Variants in LIMS1 observed in about 807,000 individuals in gnomAD.
The protein encoded by LIMS1 is LIM zinc finger domain containing 1.
In LIMS1, 18 loss-of-function variants were observed where a neutral mutation model predicts 44.1. The ratio of observed to expected loss-of-function variants is 0.41; its 90% CI spans 0.28 to 0.61. The LOEUF is 0.61. Ranked by LOEUF, LIMS1 falls within the 20% of genes least tolerant of loss-of-function variation. LIMS1 has a pLI of 0.32. For missense variants in LIMS1, 201 were observed against 422.0 expected, an observed-to-expected ratio of 0.48 and a Z score of 4.59; for synonymous variants, 93 against 149.1, an observed-to-expected ratio of 0.62 and a Z score of 2.74.
chr2:108,636,729 A>G (rs1038794192), intron 1 of LIMS1, among the ~76,000 whole-genome samples: 2 of 152,238 alleles, frequency 1.3e-5, no homozygotes, highest in African/African-American at 2.4e-5. Flanking sequence ...AAGGAATGGA[A>G]TAAAGAGCTT....
At chr2:108,639,062 C>T (rs1689483621) in intron 1 of LIMS1, among the ~76,000 whole-genome samples, 1 of 151,998 alleles carries the variant, frequency 6.6e-6, no homozygotes, top group Non-Finnish European at 1.5e-5. Flanking sequence ...AAAATGTCTA[C>T]TTAAGGGCCT....
At chr2:108,581,754 G>A (rs139820361) in intron 1 of LIMS1, among the ~76,000 whole-genome samples, 4 of 152,100 alleles carry the variant, frequency 2.6e-5, no homozygotes, top group South Asian at 2.1e-4. Context: ...CCTGACCAAC[G>A]TGGTGAAACC....
At chr2:108,674,724 A>AG (rs1240398700) in intron 5 of LIMS1, among the ~76,000 whole-genome samples, 1 of 143,874 alleles carries the variant, frequency 7.0e-6, no homozygotes, top group African/African-American at 2.5e-5. Flanking sequence ...CGTCTCAAAA[A>AG]AAAAAAAAAA....
exon 10 of LIMS1, chr2:108,684,161 T>G: frequency 2.4e-6 from 1 of 423,172 alleles, no homozygotes. Flanking sequence ...ATTCATATAA[T>G]CGTGTTTAAA....
intron 1 of LIMS1, among the ~76,000 whole-genome samples, chr2:108,579,380 C>A (rs1484757297): frequency 6.6e-6 from 1 of 152,118 alleles, no homozygotes; most frequent in Non-Finnish European, 1.5e-5. Context: ...TGTTTCCAAG[C>A]ATATGAACTT....
intron 1 of LIMS1, among the ~76,000 whole-genome samples, chr2:108,580,381 G>C (rs1004786066): frequency 6.6e-6 from 1 of 152,190 alleles, no homozygotes; most frequent in African/African-American, 2.4e-5. Flanking sequence ...GAAGCACCAT[G>C]CCTAGTCAAT....
At chr2:108,632,843 G>T (rs1041525254) in intron 1 of LIMS1, among the ~76,000 whole-genome samples, 4 of 152,152 alleles carry the variant, frequency 2.6e-5, no homozygotes, top group African/African-American at 9.7e-5. Flanking sequence ...ACCTTGAAAA[G>T]TCTGTTTATA....
At chr2:108,614,974 T>TA (rs749631541) in intron 1 of LIMS1, among the ~76,000 whole-genome samples, 1 of 152,208 alleles carries the variant, frequency 6.6e-6, no homozygotes, top group Non-Finnish European at 1.5e-5. Context: ...AAGTAACTGT[T>TA]ACATTTCTCC....
chr2:108,643,839 G>A lies in LIMS1; in HGVS notation c.33-15766G>A, dbSNP rs1030719392. On this transcript the variant is annotated intron_variant, in intron 1 of 9. Coordinates refer to ENST00000544547, the Ensembl canonical transcript of LIMS1. Reference sequence around the variant, plus strand: ...GCTCCAGCTTGGTTGGGGAAGGGGCGTCTGCCATTGCTAAGGCTTGAGTAG... The same window carrying A: ...GCTCCAGCTTGGTTGGGGAAGGGGCATCTGCCATTGCTAAGGCTTGAGTAG... Among the ~76,000 whole-genome samples, 5 of 152,324 alleles carry A rather than the reference G, an allele frequency of 3.3e-5. No homozygotes were observed. The East Asian group carries it at 9.7e-4, about 29-fold the overall frequency.
intron 1 of LIMS1, among the ~76,000 whole-genome samples, chr2:108,591,247 G>A (rs1348222553): frequency 6.6e-6 from 1 of 152,108 alleles, no homozygotes; most frequent in Non-Finnish European, 1.5e-5. Flanking sequence ...TTAGGTTCTG[G>A]GGACACAAAG....
chr2:108,676,907 G>A, intron 7 of LIMS1: 1 of 549,182 alleles, frequency 1.8e-6, no homozygotes. Context: ...TCCACAGTTT[G>A]CTTTATCATT....
intron 1 of LIMS1, among the ~76,000 whole-genome samples, chr2:108,585,149 TCAA>T (rs1686046639): frequency 2.2e-5 from 1 of 46,190 alleles, no homozygotes; most frequent in African/African-American, 9.9e-5. Context: ...TGACTCCGTC[TCAA>T]AAAAAAAAAA....
chr2:108,583,892 C>T (rs553136439), intron 1 of LIMS1, among the ~76,000 whole-genome samples: 66 of 152,094 alleles, frequency 4.3e-4, no homozygotes, highest in African/African-American at 1.6e-3. Flanking sequence ...TGAGGTTTCA[C>T]CATGTTGGCC....
At chr2:108,567,988 C>A (rs900743369) in intron 1 of LIMS1, among the ~76,000 whole-genome samples, 1 of 152,230 alleles carries the variant, frequency 6.6e-6, no homozygotes, top group Non-Finnish European at 1.5e-5. Context: ...CTGTCACTCA[C>A]TGATTCACCA....
At position 108,569,764 on chromosome 2, in the gene LIMS1, C is replaced by CCTTTTTTTTTTTTTT. The variant is rs753691810; in HGVS notation, c.32+35170_32+35171insCTTTTTTTTTTTTTT. 1.3e-3 allele frequency among the ~76,000 whole-genome samples: 152 copies of CCTTTTTTTTTTTTTT among 113,108 alleles called. 31 individuals carry two copies. The highest frequency in any genetic ancestry group is 7.8e-3 in the East Asian group (24 of 3,058). The allele number at this position is 113,108 out of a possible 152,430, so 74.2% of individuals were successfully genotyped here. On this transcript the variant is annotated intron_variant, in intron 1 of 9. Transcript: ENST00000544547. ...TACAAACACTCACCGCCATATCTGG[C>CCTTTTTTTTTTTTTT]TTTTTTTTTTTTTTTTTTTAGTGAT...
At chr2:108,564,825 T>TAA (rs925199168) in intron 1 of LIMS1, among the ~76,000 whole-genome samples, 8 of 141,618 alleles carry the variant, frequency 5.6e-5, no homozygotes, top group African/African-American at 2.1e-4. Context: ...GACAACACTG[T>TAA]AAAAAAAAAA....
At chr2:108,648,901 A>G (rs1314311758) in intron 1 of LIMS1, among the ~76,000 whole-genome samples, 1 of 152,226 alleles carries the variant, frequency 6.6e-6, no homozygotes, top group Non-Finnish European at 1.5e-5. Context: ...CCTAGGCAAT[A>G]CCATTCAGGA....
At chr2:108,676,174 T>A (rs890228456) in intron 6 of LIMS1, 146 bp downstream of exon 6, 34 of 1,080,434 alleles carry the variant, frequency 3.1e-5, no homozygotes, top group Non-Finnish European at 3.9e-5. Context: ...ATTAGGAGAC[T>A]CTAAAGATTA....
At chr2:108,678,843 G>T (rs1692748773) in intron 8 of LIMS1, among the ~76,000 whole-genome samples, 1 of 152,192 alleles carries the variant, frequency 6.6e-6, no homozygotes, top group Non-Finnish European at 1.5e-5. Context: ...ATATTTCCAT[G>T]TTGGGCCAAC....
Sources: allele counts gnomAD v4.1 joint callset (sites outside exome capture counted in the v4.1 genomes callset), GRCh38; gene constraint gnomAD v4.1.1; transcripts MANE v1.5; gene names NCBI Gene and HGNC (gene_info 2026-07-23, HGNC 2026-07-21).